LRRN1: variants seen among roughly 807,000 people sequenced by gnomAD.
LRRN1 encodes leucine-rich repeat neuronal protein 1.
LRRN1 carries 14 observed loss-of-function variants against 45.8 expected under a neutral mutation model. That is an observed-to-expected ratio of 0.31 (90% CI 0.20 to 0.48). The LOEUF (loss-of-function observed/expected upper bound fraction) is 0.48, where lower values mean the gene tolerates loss of function less well. LRRN1 is among the 20% of genes least tolerant of loss of function. The pLI is 0.99. For synonymous variants in LRRN1, 359 were observed against 330.1 expected (o/e 1.09, Z -0.95); for missense variants, 789 against 874.2 (o/e 0.90, Z 1.23).
At position 3,844,583 on chromosome 3, in the gene LRRN1, T is replaced by C; in HGVS notation, c.-59T>C. On this transcript the variant is annotated 5_prime_UTR_variant, in exon 2 of 2. Transcript: ENST00000319331. ...CGCTGTCCTACATATCACAATATAG[T>C]GTTCACGTTTTGTTAAAACTTTGGG... is the stretch of plus-strand genomic sequence containing the variant. 1.6e-6 allele frequency: 2 copies of C among 1,259,182 alleles called. No individual in the cohort carries two copies. Among genetic ancestry groups the C allele is most frequent in the East Asian group, 2.3e-5 (1 of 42,672 alleles). The allele number at this position is 1,259,182 out of a possible 1,614,324, so 78.0% of individuals were successfully genotyped here.
chr3:3,828,635 A>C (rs2106462564), intron 1 of LRRN1, among the ~76,000 whole-genome samples: 1 of 152,320 alleles, frequency 6.6e-6, no homozygotes, highest in African/African-American at 2.4e-5. Flanking sequence ...TAATGAGGTC[A>C]TAATTACACC....
chr3:3,843,970 A>T (rs1355700332), intron 1 of LRRN1, among the ~76,000 whole-genome samples: 1 of 152,218 alleles, frequency 6.6e-6, no homozygotes, highest in Non-Finnish European at 1.5e-5. Flanking sequence ...TTCTAAAGAC[A>T]TCTTTGTTTT....
intron 1 of LRRN1, among the ~76,000 whole-genome samples, chr3:3,800,191 G>A (rs1483389753): frequency 1.3e-5 from 2 of 151,382 alleles, no homozygotes; most frequent in African/African-American, 4.9e-5. Context: ...AGGCAGGCCA[G>A]ATAGAAACAG....
At chr3:3,829,748 G>T (rs903808335) in intron 1 of LRRN1, among the ~76,000 whole-genome samples, 3 of 152,192 alleles carry the variant, frequency 2.0e-5, no homozygotes, top group Non-Finnish European at 1.5e-5. Context: ...AATGCTGTAT[G>T]GAATACCATG....
chr3:3,828,588 A>G (rs546042556), intron 1 of LRRN1, among the ~76,000 whole-genome samples: 2 of 152,164 alleles, frequency 1.3e-5, no homozygotes, highest in South Asian at 2.1e-4. Context: ...TTGAACACAC[A>G]TCTCCTGAGA....
At chr3:3,819,610 C>T (rs947160202) in intron 1 of LRRN1, among the ~76,000 whole-genome samples, 2 of 152,148 alleles carry the variant, frequency 1.3e-5, no homozygotes, top group Non-Finnish European at 2.9e-5. Flanking sequence ...ATCATTTTCC[C>T]TCGTCTTTAA....
intron 1 of LRRN1, among the ~76,000 whole-genome samples, chr3:3,812,066 T>G (rs1435635363): frequency 1.3e-5 from 2 of 152,232 alleles, no homozygotes; most frequent in African/African-American, 4.8e-5. Context: ...GGTACAATTC[T>G]TAGAACATGA....
intron 1 of LRRN1, among the ~76,000 whole-genome samples, chr3:3,831,443 C>A (rs1190598486): frequency 2.0e-5 from 3 of 152,256 alleles, no homozygotes; most frequent in African/African-American, 7.2e-5. Flanking sequence ...TCAGTGGATC[C>A]AATCAGCATA....
rs1441315240 is a variant in LRRN1 at position 3,845,495 on chromosome 3, A to G, written c.854A>G (p.Asn285Ser). The change falls in exon 2 of 2, where the codon AAT becomes AGT. Residue 285 changes from asparagine to serine, a missense_variant. Coordinates refer to ENST00000319331, the MANE Select transcript of LRRN1 (RefSeq NM_020873.7). The surrounding 1 kb of genome is among the most constrained non-coding windows in gnomAD (Gnocchi z 6.5). ...AAAATCCAAGAAGGGGACTTCAAAAATATGCTTCGGTTAAAAGAACTGGGA... is the reference window on the plus strand; with the variant it reads ...AAAATCCAAGAAGGGGACTTCAAAAGTATGCTTCGGTTAAAAGAACTGGGA... Reference protein sequence around the residue: ...IHKIQEGDFKNMLRLKELGIN... With the variant: ...IHKIQEGDFKSMLRLKELGIN... 5 of 1,614,146 alleles carry G rather than the reference A, an allele frequency of 3.1e-6. No homozygotes were observed. Among genetic ancestry groups the G allele is most frequent in the Admixed American group, 3.3e-5 (2 of 60,028 alleles).
At position 3,816,392 on chromosome 3, in the gene LRRN1, C is replaced by G. The variant is rs976822122; in HGVS notation, c.-279+16473C>G. ...AACTCTTTCAAATTCAGGGATGTAA[C>G]TTTCACCTGATTTTAATTTACCAAA... is the stretch of plus-strand genomic sequence containing the variant. On this transcript the variant is annotated intron_variant, in intron 1 of 1. Transcript: ENST00000319331. This position sits in a 1 kb window ranked among gnomAD's most constrained non-coding sequence, Gnocchi z 4.0. Among the ~76,000 whole-genome samples the G allele has an allele frequency of 6.6e-6, 1 of 152,094 alleles. No individual in the cohort carries two copies. The highest frequency in any genetic ancestry group is 2.4e-5 in the African/African-American group (1 of 41,414).
chr3:3,826,810 CT>C (rs1693226812), intron 1 of LRRN1, among the ~76,000 whole-genome samples: 1 of 152,124 alleles, frequency 6.6e-6, no homozygotes, highest in South Asian at 2.1e-4. Context: ...TAAAAAGAGT[CT>C]GTGCAGATTC....
At chr3:3,832,343 C>T (rs957119080) in intron 1 of LRRN1, among the ~76,000 whole-genome samples, 1 of 152,182 alleles carries the variant, frequency 6.6e-6, no homozygotes, top group Non-Finnish European at 1.5e-5. Flanking sequence ...GGGGGTTCTG[C>T]CAGCTGCCAA....
Position 3,848,919 on chromosome 3 carries a change from G to C in LRRN1, c.*2127G>C, listed in dbSNP as rs1249458727. ...TTTACTCAGGATACATTTTAGCACA[G>C]GGCAGATCAGACGGTGTCTCTACTG... On this transcript the variant is annotated 3_prime_UTR_variant, in exon 2 of 2. Transcript: ENST00000319331. Among the ~76,000 whole-genome samples the C allele has an allele frequency of 6.6e-6, 1 of 152,206 alleles. No individual in the cohort carries two copies. Among genetic ancestry groups the C allele is most frequent in the Non-Finnish European group, 1.5e-5 (1 of 68,050 alleles).
intron 1 of LRRN1, among the ~76,000 whole-genome samples, chr3:3,823,332 A>G (rs539174317): frequency 2.6e-5 from 4 of 152,154 alleles, no homozygotes; most frequent in African/African-American, 9.6e-5. Context: ...GTATATCTCT[A>G]TGCATCTATT....
chr3:3,834,670 G>GTC (rs1693468197), intron 1 of LRRN1, among the ~76,000 whole-genome samples: 2 of 149,514 alleles, frequency 1.3e-5, no homozygotes, highest in East Asian at 3.9e-4. Flanking sequence ...CCCACAATAG[G>GTC]CTATCTGCCA....
At chr3:3,837,717 T>A (rs6807234) in intron 1 of LRRN1, among the ~76,000 whole-genome samples, 46,213 of 151,456 alleles carry the variant, frequency 0.31, 8,525 homozygotes, top group East Asian at 0.61. Flanking sequence ...TCTTTTTTTT[T>A]AATTAATTTT....
Position 3,848,576 on chromosome 3 carries a change from A to G in LRRN1, c.*1784A>G, listed in dbSNP as rs148085883. ...TTTGTGAATCACTTTATTAAAAAAAATCACTTTCTTCCCATTCTTAAGGGG... is the reference window on the plus strand; with the variant it reads ...TTTGTGAATCACTTTATTAAAAAAAGTCACTTTCTTCCCATTCTTAAGGGG... On this transcript the variant is annotated 3_prime_UTR_variant, in exon 2 of 2. Coordinates refer to ENST00000319331, the MANE Select transcript of LRRN1 (RefSeq NM_020873.7). Among the ~76,000 whole-genome samples the G allele has an allele frequency of 6.6e-6, 1 of 152,308 alleles. No homozygotes were observed. The highest frequency in any genetic ancestry group is 1.9e-4 in the East Asian group (1 of 5,178).
At position 3,849,280 on chromosome 3, in the gene LRRN1, C is replaced by CT. The variant is rs575879257; in HGVS notation, c.*2489dup. ...GAAGATATAGCAAGCACCGGGAAAT[C>CT]TAAGATTTTTCATCAACAATATCTT... On this transcript the variant is annotated 3_prime_UTR_variant, in exon 2 of 2. Coordinates refer to ENST00000319331, the MANE Select transcript of LRRN1 (RefSeq NM_020873.7). 6.5e-4 allele frequency among the ~76,000 whole-genome samples: 99 copies of CT among 152,284 alleles called. No individual in the cohort carries two copies. The highest frequency in any genetic ancestry group is 1.1e-3 in the Non-Finnish European group (77 of 68,020).
chr3:3,813,367 G>A (rs1275830270), intron 1 of LRRN1, among the ~76,000 whole-genome samples: 1 of 152,156 alleles, frequency 6.6e-6, no homozygotes, highest in Non-Finnish European at 1.5e-5. Context: ...TTTTGCCCTT[G>A]TAACAATTTG....
Sources: allele counts gnomAD v4.1 joint callset (sites outside exome capture counted in the v4.1 genomes callset), GRCh38; gene constraint gnomAD v4.1.1; non-coding constraint Gnocchi (gnomAD v3.1); transcripts MANE v1.5; gene names NCBI Gene and HGNC (gene_info 2026-07-23, HGNC 2026-07-21).